The following LMX1A variants were observed in gnomAD, a reference collection of about 807,000 sequenced individuals.
LMX1A encodes LIM homeobox transcription factor 1 alpha.
In LMX1A, 15 loss-of-function variants were observed where a neutral mutation model predicts 49.1. The ratio of observed to expected loss-of-function variants is 0.31; its 90% CI spans 0.20 to 0.47. The LOEUF is 0.47. Among genes scored for constraint, LMX1A ranks in the 20% least tolerant of loss-of-function variants. LMX1A has a pLI of 1.00. For synonymous variants in LMX1A, 167 were observed against 185.7 expected, an observed-to-expected ratio of 0.90 and a Z score of 0.82; for missense variants, 372 against 475.8, an observed-to-expected ratio of 0.78 and a Z score of 2.03.
At chr1:165,301,541 C>T (rs573613439) in intron 3 of LMX1A, among the ~76,000 whole-genome samples, 1 of 152,284 alleles carries the variant, frequency 6.6e-6, no homozygotes, top group African/African-American at 2.4e-5. Context: ...CAAGAAGTGC[C>T]CTTCTCCCTG....
At chr1:165,259,522 T>A (rs542399608) in intron 3 of LMX1A, among the ~76,000 whole-genome samples, 1 of 152,346 alleles carries the variant, frequency 6.6e-6, no homozygotes, top group African/African-American at 2.4e-5. Context: ...TTACAGAGGC[T>A]GCTGACTATT....
chr1:165,220,030 C>T (rs1237356045), intron 4 of LMX1A, among the ~76,000 whole-genome samples: 6 of 152,184 alleles, frequency 3.9e-5, no homozygotes, highest in South Asian at 2.1e-4. Flanking sequence ...GCACTTTATG[C>T]CAAGGGCATA....
At chr1:165,246,878 C>A (rs4657423) in intron 4 of LMX1A, among the ~76,000 whole-genome samples, 42,193 of 151,730 alleles carry the variant, frequency 0.28, 6,209 homozygotes, top group Middle Eastern at 0.38. Context: ...TGAATTAATA[C>A]ATGAATGAAT....
chr1:165,204,929 G>A (rs1430846084), intron 8 of LMX1A, among the ~76,000 whole-genome samples: 1 of 152,152 alleles, frequency 6.6e-6, no homozygotes, highest in Admixed American at 6.5e-5. Flanking sequence ...GGCTTGTCAA[G>A]GGCCAAATCT....
chr1:165,214,063 G>A (rs975712382), intron 4 of LMX1A, among the ~76,000 whole-genome samples: 2 of 152,124 alleles, frequency 1.3e-5, no homozygotes, highest in South Asian at 2.1e-4. Context: ...TCCTGGCTCC[G>A]CATTTACTAG....
At chr1:165,220,634 C>A (rs1444394799) in intron 4 of LMX1A, among the ~76,000 whole-genome samples, 2 of 152,192 alleles carry the variant, frequency 1.3e-5, no homozygotes. Context: ...CCCAGAGGCA[C>A]CCCTGCAGGG....
rs1652876638 is a variant in LMX1A at position 165,247,054 on chromosome 1, C to CTTTTTTTTTCTTTTTTTTTTTTTTT, written c.496+2353_496+2354insAAAAAAAAAAAAAAAGAAAAAAAAA. 5.3e-4 allele frequency among the ~76,000 whole-genome samples: 28 copies of CTTTTTTTTTCTTTTTTTTTTTTTTT among 53,228 alleles called. 1 individual carries two copies. The highest frequency in any genetic ancestry group is 2.0e-3 in the African/African-American group (28 of 13,916). 34.9% of individuals were successfully genotyped at this position (53,228 alleles called of 152,430 possible). On this transcript the variant is annotated intron_variant, in intron 4 of 8. Coordinates refer to ENST00000342310, the MANE Select transcript of LMX1A (RefSeq NM_177398.4). ...GTTACTTAGATCAGATCAGCTTTTT[C>CTTTTTTTTTCTTTTTTTTTTTTTTT]TTTTTTTTTTTTTTTTTTTTTTTTT...
chr1:165,224,978 G>A (rs546064114), intron 4 of LMX1A, among the ~76,000 whole-genome samples: 2 of 152,308 alleles, frequency 1.3e-5, no homozygotes, highest in Admixed American at 1.3e-4. Context: ...CAGGAGAGCA[G>A]GTCATGAAAA....
At position 165,249,416 on chromosome 1, in the gene LMX1A, G is replaced by A. The variant is rs1652971215; in HGVS notation, c.488C>T (p.Ser163Leu). Residue 163 changes from serine (S) to leucine (L), a missense_variant, in exon 4 of 9, where the codon TCA (serine) becomes TTA (leucine). Transcript: ENST00000342310. ...CACCACCTGGCACTCACCTGAGTCT[G>A]AGGCTGCTGGGCTCACCAGGCTGAG... Reference protein sequence around the residue: ...ELLSLVSPAASDSGKSDDEES... With the variant: ...ELLSLVSPAALDSGKSDDEES... The A allele has an allele frequency of 6.2e-7, 1 of 1,613,440 alleles. No homozygotes were observed. Among genetic ancestry groups the A allele is most frequent in the Non-Finnish European group, 8.5e-7 (1 of 1,179,336 alleles).
intron 4 of LMX1A, among the ~76,000 whole-genome samples, chr1:165,223,207 G>A (rs1651914687): frequency 6.6e-6 from 1 of 152,146 alleles, no homozygotes; most frequent in African/African-American, 2.4e-5. Flanking sequence ...ACCCTGATAG[G>A]ACTGTTATGA....
At chr1:165,305,291 T>A (rs905486578) in intron 3 of LMX1A, among the ~76,000 whole-genome samples, 2 of 152,084 alleles carry the variant, frequency 1.3e-5, no homozygotes, top group Non-Finnish European at 2.9e-5. Context: ...AGTGGCAGGA[T>A]CCTGGAGAAA....
chr1:165,355,521 G>T lies in LMX1A; in HGVS notation c.39C>A (p.Ser13Arg). 6.2e-7 allele frequency: 1 copy of T among 1,614,018 alleles called. No homozygotes were observed. Among genetic ancestry groups the T allele is most frequent in the Admixed American group, 1.7e-5 (1 of 60,020 alleles). The part of the protein sequence containing the change: ...DGLKMEENFQ[S>R]AIDTSASFSS... ...AGAAGGAGGCCGAGGTGTCGATCGC[G>T]CTTTGGAAGTTCTCCTCCATCTTTA... The change falls in exon 2 of 9, where the codon AGC (serine) becomes AGA (arginine). Residue 13 changes from serine (S) to arginine (R), a missense_variant. Around this residue, in one of 3 missense-constraint regions of LMX1A, gnomAD observed 199 missense variants for 244.0 expected, o/e 0.82. Coordinates refer to ENST00000342310, the MANE Select transcript of LMX1A (RefSeq NM_177398.4). This position sits in a 1 kb window ranked among gnomAD's most constrained non-coding sequence, Gnocchi z 4.7.
At position 165,278,752 on chromosome 1, in the gene LMX1A, A is replaced by C. The variant is rs191186041; in HGVS notation, c.264-29112T>G. 2.0e-5 allele frequency among the ~76,000 whole-genome samples: 3 copies of C among 152,354 alleles called. No homozygotes were observed. The East Asian group carries it at 5.8e-4, about 29-fold the overall frequency. ...CAGGGGACTGCAAGGCCTCAGACACAGCACAACAAAAGCCTGCTTCTCACC... is the reference window on the plus strand; with the variant it reads ...CAGGGGACTGCAAGGCCTCAGACACCGCACAACAAAAGCCTGCTTCTCACC... On this transcript the variant is annotated intron_variant, in intron 3 of 8. Transcript: ENST00000342310.
In LMX1A at chr1:165,355,842, C is replaced by T; in HGVS notation, c.-22-261G>A. 2.1e-6 allele frequency: 1 copy of T among 471,470 alleles called. No individual in the cohort carries two copies. Among genetic ancestry groups the T allele is most frequent in the Non-Finnish European group, 3.8e-6 (1 of 262,778 alleles). 29.2% of individuals were successfully genotyped at this position (471,470 alleles called of 1,614,324 possible). ...CCCAACTGCGTTTCTCCTTCTCCTG[C>T]CCCCCTCACCCCCACCTACATCCCT... On this transcript the variant is annotated intron_variant, in intron 1 of 8. Coordinates refer to ENST00000342310, the MANE Select transcript of LMX1A (RefSeq NM_177398.4). The surrounding 1 kb of genome is among the most constrained non-coding windows in gnomAD (Gnocchi z 4.7).
In LMX1A at chr1:165,295,395, G is replaced by A. The variant is rs189871682; in HGVS notation, c.264-45755C>T. ...AGTTCCAAATTTGCCGTAATAAATA[G>A]GTAGCCCTATTATAATCAGATATAA... On this transcript the variant is annotated intron_variant, in intron 3 of 8. Transcript: ENST00000342310. Among the ~76,000 whole-genome samples the A allele has an allele frequency of 5.1e-3, 755 of 149,090 alleles. 6 individuals carry two copies. The highest frequency in any genetic ancestry group is 0.017 in the African/African-American group (710 of 40,822).
At chr1:165,292,285 A>T (rs1159178764) in intron 3 of LMX1A, among the ~76,000 whole-genome samples, 1 of 152,142 alleles carries the variant, frequency 6.6e-6, no homozygotes, top group African/African-American at 2.4e-5. Context: ...TACTGGGAAC[A>T]TGTCTTTCGC....
At chr1:165,337,870 A>T (rs143064919) in intron 3 of LMX1A, among the ~76,000 whole-genome samples, 3 of 59,742 alleles carry the variant, frequency 5.0e-5, no homozygotes, top group Non-Finnish European at 9.8e-5. Flanking sequence ...GTGTCTGTGC[A>T]TCTGTGTGTG....
chr1:165,282,507 G>A (rs943927773), intron 3 of LMX1A, among the ~76,000 whole-genome samples: 12 of 151,988 alleles, frequency 7.9e-5, no homozygotes, highest in Non-Finnish European at 1.8e-4. Flanking sequence ...TTATTGTATT[G>A]TTAGTTTCTA....
At chr1:165,212,052 G>A (rs1306026327) in intron 5 of LMX1A, among the ~76,000 whole-genome samples, 1 of 152,218 alleles carries the variant, frequency 6.6e-6, no homozygotes, top group South Asian at 2.1e-4. Context: ...AGCCCAATTT[G>A]GGGGCATTTT....
Sources: gnomAD v4.1 joint callset for allele counts (sites outside exome capture counted in the v4.1 genomes callset) on GRCh38, gnomAD v4.1.1 for gene constraint, gnomAD v4.1.1 regional missense constraint, Gnocchi (gnomAD v3.1) non-coding constraint, MANE v1.5 for transcripts, NCBI Gene and HGNC (gene_info 2026-07-23, HGNC 2026-07-21) for gene names.